Variants in DRAM1 observed in about 807,000 individuals in gnomAD.
DRAM1 encodes the protein DNA damage regulated autophagy modulator 1, also known as DNA damage-regulated autophagy modulator protein 1.
Under a neutral mutation model 28.5 loss-of-function variants are expected in DRAM1, and 25 were observed. The ratio of observed to expected loss-of-function variants is 0.88; its 90% CI spans 0.64 to 1.23. The LOEUF is 1.23. DRAM1 is among the 50% of genes most tolerant of loss of function. DRAM1 has a pLI of 0.00. For synonymous variants in DRAM1, 113 were observed against 114.2 expected (o/e 0.99, Z 0.07); for missense variants, 249 against 299.2 (o/e 0.83, Z 1.24).
rs187106257 is a variant in DRAM1, at chr12:101,921,169, G to A, written c.673-47G>A. 3.1e-4 allele frequency: 410 copies of A among 1,333,278 alleles called. 1 individual carries two copies. In the African/African-American group the frequency reaches 5.4e-3, roughly 17 times the overall value. 82.6% of individuals were successfully genotyped at this position (1,333,278 alleles called of 1,614,324 possible). A position where few individuals can be genotyped will look rare whatever the true frequency, so the allele number is the denominator to read the frequency against. On this transcript the variant is annotated intron_variant, in intron 6 of 6. Coordinates refer to ENST00000258534, the MANE Select transcript of DRAM1 (RefSeq NM_018370.3). ...TTGGAAATGTCATTGTCAACGCTGG[G>A]ATTGTTTAACTTCTTTTAAACCTTT...
intron 5 of DRAM1, among the ~76,000 whole-genome samples, chr12:101,918,751 C>T (rs58366779): frequency 0.24 from 36,517 of 151,832 alleles, 5,950 homozygotes; most frequent in African/African-American, 0.47. Flanking sequence ...CTTCAGAAGG[C>T]ATGGGGGTGT....
At chr12:101,896,319 G>A (rs1433272399) in intron 1 of DRAM1, among the ~76,000 whole-genome samples, 1 of 152,172 alleles carries the variant, frequency 6.6e-6, no homozygotes, top group Non-Finnish European at 1.5e-5. Context: ...CAACGTGATC[G>A]GTTTTTTAAT....
intron 5 of DRAM1, among the ~76,000 whole-genome samples, chr12:101,916,982 G>A (rs563055527): frequency 5.9e-5 from 9 of 152,226 alleles, no homozygotes; most frequent in Non-Finnish European, 1.3e-4. Flanking sequence ...CCTAACGATG[G>A]AATGAGAGGA....
At chr12:101,900,464 A>G (rs1243744748) in intron 2 of DRAM1, among the ~76,000 whole-genome samples, 1 of 152,236 alleles carries the variant, frequency 6.6e-6, no homozygotes, top group African/African-American at 2.4e-5. Flanking sequence ...AATGGACATA[A>G]TGTGTAAAAA....
intron 5 of DRAM1, among the ~76,000 whole-genome samples, chr12:101,917,807 A>G (rs932877823): frequency 2.6e-5 from 4 of 151,858 alleles, no homozygotes; most frequent in Non-Finnish European, 5.9e-5. Context: ...ATGGGGAATT[A>G]GCCCCATCAT....
intron 2 of DRAM1, among the ~76,000 whole-genome samples, chr12:101,901,028 G>A (rs1873578952): frequency 6.6e-6 from 1 of 151,934 alleles, no homozygotes; most frequent in South Asian, 2.1e-4. Flanking sequence ...AAGTCACAGA[G>A]TAATACATGT....
intron 1 of DRAM1, among the ~76,000 whole-genome samples, chr12:101,885,528 T>A (rs1053789426): frequency 3.8e-5 from 3 of 79,076 alleles, no homozygotes; most frequent in Admixed American, 1.2e-4. Flanking sequence ...CACTGGACTT[T>A]TTTTTTTTTT....
intron 5 of DRAM1, among the ~76,000 whole-genome samples, chr12:101,915,215 G>A (rs12312765): frequency 0.33 from 50,023 of 151,692 alleles, 9,076 homozygotes; most frequent in African/African-American, 0.49. Flanking sequence ...TCCTGACCTC[G>A]TGATCTGCCC....
chr12:101,884,869 C>G (rs1260857664), intron 1 of DRAM1, among the ~76,000 whole-genome samples: 1 of 151,566 alleles, frequency 6.6e-6, no homozygotes, highest in Non-Finnish European at 1.5e-5. Context: ...ATGTAACAAT[C>G]ACAAATTTTG....
chr12:101,916,503 C>T (rs1874248331), intron 5 of DRAM1, among the ~76,000 whole-genome samples: 1 of 152,098 alleles, frequency 6.6e-6, no homozygotes, highest in Non-Finnish European at 1.5e-5. Context: ...TGGGGTAGAC[C>T]AGGACATTTT....
At chr12:101,917,397 G>C (rs1594313754) in intron 5 of DRAM1, among the ~76,000 whole-genome samples, 1 of 152,166 alleles carries the variant, frequency 6.6e-6, no homozygotes, top group South Asian at 2.1e-4. Context: ...AGATCAAAAA[G>C]TGCTTCTTGG....
At position 101,922,611 on chromosome 12, in the gene DRAM1, C is replaced by G. The variant is rs1424387332; in HGVS notation, c.*1351C>G. The G allele has an allele frequency of 6.6e-6, 1 of 152,212 alleles. No individual in the cohort carries two copies. 9.4% of individuals were successfully genotyped at this position (152,212 alleles called of 1,614,324 possible). ...TCTGCAATGACAAGCTGCCTCCCCT[C>G]TATGTGTTTAGCATATGTTATTAGA... On this transcript the variant is annotated 3_prime_UTR_variant, in exon 7 of 7. Coordinates refer to ENST00000258534, the MANE Select transcript of DRAM1 (RefSeq NM_018370.3).
At chr12:101,900,004 G>A (rs1873535297) in intron 2 of DRAM1, among the ~76,000 whole-genome samples, 1 of 152,098 alleles carries the variant, frequency 6.6e-6, no homozygotes, top group Non-Finnish European at 1.5e-5. Context: ...CTAAAATTAT[G>A]GTAGCTATTT....
chr12:101,908,399 T>G (rs1873905436), intron 4 of DRAM1, 36 bp downstream of exon 4: 1 of 1,575,602 alleles, frequency 6.3e-7, no homozygotes, highest in African/African-American at 1.4e-5. Context: ...GTTAAAGGAA[T>G]AAAACATTCA....
At chr12:101,921,188 A>C (rs1189847564) in intron 6 of DRAM1, 28 bp from the exon 7 acceptor site, 5 of 1,532,330 alleles carry the variant, frequency 3.3e-6, no homozygotes, top group Non-Finnish European at 4.5e-6. Context: ...ACTTCTTTTA[A>C]ACCTTTCTCT....
chr12:101,918,634 T>A (rs546083905), intron 5 of DRAM1, among the ~76,000 whole-genome samples: 13 of 152,208 alleles, frequency 8.5e-5, no homozygotes, highest in Non-Finnish European at 1.8e-4. Context: ...TGCCCTGTGA[T>A]CCAGCACATT....
intron 5 of DRAM1, among the ~76,000 whole-genome samples, chr12:101,915,420 A>C (rs1212168373): frequency 1.3e-5 from 2 of 152,194 alleles, no homozygotes; most frequent in Admixed American, 1.3e-4. Flanking sequence ...TGTGGTGGAT[A>C]GTTCATTTCA....
intron 4 of DRAM1, among the ~76,000 whole-genome samples, chr12:101,913,661 G>A (rs1409212137): frequency 2.1e-5 from 3 of 142,358 alleles, no homozygotes; most frequent in East Asian, 2.0e-4. Context: ...AGCTGAGATC[G>A]CGCCATTGCA....
At chr12:101,883,314 G>GT (rs1225341398) in intron 1 of DRAM1, among the ~76,000 whole-genome samples, 12,375 of 109,008 alleles carry the variant, frequency 0.11, 862 homozygotes, top group Middle Eastern at 0.22. Context: ...ACCCAAATAG[G>GT]TTTTTTTTTT....
Sources: allele counts gnomAD v4.1 joint callset (sites outside exome capture counted in the v4.1 genomes callset), GRCh38; gene constraint gnomAD v4.1.1; transcripts MANE v1.5; gene names NCBI Gene and HGNC (gene_info 2026-07-23, HGNC 2026-07-21).